Variants in STMN3 observed in about 807,000 individuals in gnomAD.
STMN3 encodes the protein stathmin-3.
Under a neutral mutation model 23.2 loss-of-function variants are expected in STMN3, and 24 were observed. The observed-to-expected ratio is 1.03, with a 90% CI of 0.75 to 1.45. The LOEUF is 1.45. Ranked by LOEUF, STMN3 falls within the 40% of genes most tolerant of loss-of-function variation. The pLI is 0.00. For synonymous variants in STMN3, 117 were observed against 103.4 expected, an observed-to-expected ratio of 1.13 and a Z score of -0.80; for missense variants, 235 against 237.6, an observed-to-expected ratio of 0.99 and a Z score of 0.07.
intron 1 of STMN3, among the ~76,000 whole-genome samples, chr20:63,647,892 AC>A (rs1437363893): frequency 1.5e-5 from 2 of 129,362 alleles, no homozygotes; most frequent in African/African-American, 5.6e-5. Context: ...TAATATATAT[AC>A]GTATATATAC....
At position 63,640,549 on chromosome 20, in the gene STMN3, C is replaced by G. The variant is rs1207108003; in HGVS notation, c.*789G>C. On this transcript the variant is annotated 3_prime_UTR_variant, in exon 5 of 5. Transcript: ENST00000370053. ...AGGGTGGGTCTTTCAAGGACATCTG[C>G]AAAGCCCTGGTGGGGAGGGGCCTGG... is the stretch of plus-strand genomic sequence containing the variant. 2.6e-5 allele frequency: 3 copies of G among 115,382 alleles called. No homozygotes were observed. Among genetic ancestry groups the G allele is most frequent in the African/African-American group, 1.2e-4 (3 of 26,038 alleles). 7.1% of individuals were successfully genotyped at this position (115,382 alleles called of 1,614,324 possible).
Position 63,641,345 on chromosome 20 carries a change from G to A in STMN3, c.536C>T (p.Ser179Leu), listed in dbSNP as rs373472102. 17 of 1,566,382 alleles carry A rather than the reference G, an allele frequency of 1.1e-5. No homozygotes were observed. Among genetic ancestry groups the A allele is most frequent in the African/African-American group, 1.4e-5 (1 of 73,668 alleles). ...RRNKEQREEM[S>L]G ...GCCGCCCGTCCCGGGCCCTTAGCCC[G>A]ACATCTCTTCTCGCTGCTCCTTGTT... Residue 179 changes from serine to leucine, a missense_variant, in exon 5 of 5, where the codon TCG becomes TTG. Transcript: ENST00000370053.
At chr20:63,642,964 T>C (rs3787105) in intron 3 of STMN3, among the ~76,000 whole-genome samples, 54,681 of 151,992 alleles carry the variant, frequency 0.36, 10,603 homozygotes, top group African/African-American at 0.5. Flanking sequence ...CAAAAGGACA[T>C]TTTTATCTCT....
At chr20:63,642,612 C>T (rs1348031626) in intron 3 of STMN3, among the ~76,000 whole-genome samples, 3 of 152,220 alleles carry the variant, frequency 2.0e-5, no homozygotes, top group Admixed American at 6.5e-5. Context: ...CACACCCTGC[C>T]CTGCGCGTCT....
chr20:63,647,811 G>A (rs995857120), intron 1 of STMN3, among the ~76,000 whole-genome samples: 4 of 117,508 alleles, frequency 3.4e-5, no homozygotes, highest in African/African-American at 6.1e-5. Flanking sequence ...ATATATACAC[G>A]TGTATATATA....
intron 3 of STMN3, among the ~76,000 whole-genome samples, chr20:63,643,172 A>G (rs1353540173): frequency 6.6e-6 from 1 of 151,998 alleles, no homozygotes; most frequent in Non-Finnish European, 1.5e-5. Flanking sequence ...ACCACCCCCT[A>G]GCATCCTGCT....
At chr20:63,649,329 C>T (rs6089949) in intron 1 of STMN3, among the ~76,000 whole-genome samples, 37,356 of 151,970 alleles carry the variant, frequency 0.25, 4,990 homozygotes, top group South Asian at 0.33. Flanking sequence ...GAAGTCTGCG[C>T]ACAGGGCAGG....
At position 63,643,670 on chromosome 20, in the gene STMN3, G is replaced by A. The variant is rs560357123; in HGVS notation, c.291+86C>T. The A allele has an allele frequency of 4.8e-6, 7 of 1,447,128 alleles. No homozygotes were observed. The South Asian group carries it at 7.8e-5, about 16-fold the overall frequency. The allele number at this position is 1,447,128 out of a possible 1,614,324, so 89.6% of individuals were successfully genotyped here. On this transcript the variant is annotated intron_variant, in intron 3 of 4. Coordinates refer to ENST00000370053, the MANE Select transcript of STMN3 (RefSeq NM_015894.4). Reference sequence around the variant, plus strand: ...GCCAAGGCACTGACCAAGCCTGTCCGGGAGCACCCTGCTTCTTGCAGGCCC... The same window carrying A: ...GCCAAGGCACTGACCAAGCCTGTCCAGGAGCACCCTGCTTCTTGCAGGCCC...
chr20:63,653,203 T>A, intron 1 of STMN3, 124 bp downstream of exon 1: 4 of 1,298,564 alleles, frequency 3.1e-6, no homozygotes, highest in Non-Finnish European at 4.2e-6. Flanking sequence ...GGGCCCAGGC[T>A]TGCAACGCGC....
Position 63,652,725 on chromosome 20 carries a change from C to T in STMN3, c.19+602G>A, listed in dbSNP as rs766333031. 2.9e-5 allele frequency: 29 copies of T among 985,810 alleles called. No individual in the cohort carries two copies. Among genetic ancestry groups the T allele is most frequent in the Non-Finnish European group, 3.4e-5 (28 of 830,384 alleles). The allele number at this position is 985,810 out of a possible 1,614,324, so 61.1% of individuals were successfully genotyped here. Reference sequence around the variant, plus strand: ...TGGCTTTTCTGGCCAGAGCAGGTGGCGCGGGCGTCGCAAAGGGTGGTCCCC... The same window carrying T: ...TGGCTTTTCTGGCCAGAGCAGGTGGTGCGGGCGTCGCAAAGGGTGGTCCCC... On this transcript the variant is annotated intron_variant, in intron 1 of 4. Transcript: ENST00000370053. This position sits in a 1 kb window ranked among gnomAD's most constrained non-coding sequence, Gnocchi z 5.3.
At chr20:63,644,428 G>T (rs868287025) in intron 1 of STMN3, 119 bp from the exon 2 acceptor site, 1 of 729,942 alleles carries the variant, frequency 1.4e-6, no homozygotes, top group Non-Finnish European at 2.3e-6. Context: ...TGCCCAGCAC[G>T]CTCTCTTGTG....
chr20:63,649,081 C>T (rs984433371), intron 1 of STMN3, among the ~76,000 whole-genome samples: 6 of 152,150 alleles, frequency 3.9e-5, no homozygotes, highest in South Asian at 2.1e-4. Flanking sequence ...GACACAGGTG[C>T]GGCTCAGCAT....
At chr20:63,646,955 T>C (rs2089813838) in intron 1 of STMN3, among the ~76,000 whole-genome samples, 1 of 151,778 alleles carries the variant, frequency 6.6e-6, no homozygotes, top group Non-Finnish European at 1.5e-5. Context: ...GGTTTCACTA[T>C]GTTGGTCAGG....
At chr20:63,647,796 T>TAC (rs2089824641) in intron 1 of STMN3, among the ~76,000 whole-genome samples, 1 of 126,914 alleles carries the variant, frequency 7.9e-6, no homozygotes, top group African/African-American at 2.8e-5. Flanking sequence ...ATAATATATA[T>TAC]ACGTATATAT....
rs200355112 is a variant in STMN3 at position 63,644,201 on chromosome 20, G to A, written c.115+13C>T. 36 of 1,610,432 alleles carry A rather than the reference G, an allele frequency of 2.2e-5. No individual in the cohort carries two copies. The African/African-American group carries it at 4.1e-4, about 18-fold the overall frequency. On this transcript the variant is annotated intron_variant, in intron 2 of 4. Coordinates refer to ENST00000370053, the MANE Select transcript of STMN3 (RefSeq NM_015894.4). ...GCACCGCAGGGAAGGGCAGGCGGCA[G>A]CCAGGCACTCACCCCCGTACTGGTA...
chr20:63,641,492 G>T (rs2089761867), intron 4 of STMN3, 95 bp from the exon 5 acceptor site: 3 of 1,029,910 alleles, frequency 2.9e-6, no homozygotes, highest in South Asian at 1.5e-5. Flanking sequence ...CCTGGCACCC[G>T]CCCGGCCTCA....
chr20:63,651,349 G>A (rs1394495561), intron 1 of STMN3, among the ~76,000 whole-genome samples: 2 of 152,202 alleles, frequency 1.3e-5, no homozygotes, highest in African/African-American at 4.8e-5. Context: ...CCAGTCATGA[G>A]CCTGGGCCTG....
At chr20:63,643,215 G>A (rs928759287) in intron 3 of STMN3, among the ~76,000 whole-genome samples, 1 of 152,188 alleles carries the variant, frequency 6.6e-6, no homozygotes, top group Admixed American at 6.5e-5. Context: ...ACCCTCACCA[G>A]AGGCTCCTGC....
chr20:63,652,629 C>A lies in STMN3; in HGVS notation c.19+698G>T. On this transcript the variant is annotated intron_variant, in intron 1 of 4. Coordinates refer to ENST00000370053, the MANE Select transcript of STMN3 (RefSeq NM_015894.4). The surrounding 1 kb of genome is among the most constrained non-coding windows in gnomAD (Gnocchi z 5.3). ...GTGGAGGGGCGGGAGGGGCGGAGCC[C>A]TCTGGTCTCCGGAGGGTTTGGGGAT... The A allele has an allele frequency of 1.0e-6, 1 of 985,512 alleles. No homozygotes were observed. 61.0% of individuals were successfully genotyped at this position (985,512 alleles called of 1,614,324 possible).
Sources: allele counts gnomAD v4.1 joint callset (sites outside exome capture counted in the v4.1 genomes callset), GRCh38; gene constraint gnomAD v4.1.1; non-coding constraint Gnocchi (gnomAD v3.1); transcripts MANE v1.5; gene names NCBI Gene and HGNC (gene_info 2026-07-23, HGNC 2026-07-21).